ABCB1: variants seen among roughly 807,000 people sequenced by gnomAD.
ABCB1 encodes ATP-dependent translocase ABCB1.
ABCB1 carries 69 observed loss-of-function variants against 142.0 expected under a neutral mutation model. The ratio of observed to expected loss-of-function variants is 0.49; its 90% CI spans 0.40 to 0.59. ABCB1 has a LOEUF of 0.59. ABCB1 is among the 20% of genes least tolerant of loss of function. The pLI is 0.00. For synonymous variants in ABCB1, 532 were observed against 539.2 expected, an observed-to-expected ratio of 0.99 and a Z score of 0.18; for missense variants, 1,326 against 1,554.7, an observed-to-expected ratio of 0.85 and a Z score of 2.47.
At chr7:87,642,997 C>T (rs549923050) in intron 1 of ABCB1, among the ~76,000 whole-genome samples, 1 of 151,994 alleles carries the variant, frequency 6.6e-6, no homozygotes, top group African/African-American at 2.4e-5. Flanking sequence ...CCCACTGTAA[C>T]CTTGAATTCC....
rs146431427 is a variant in ABCB1, at chr7:87,660,010, G to A, written c.-331+53151C>T. ...TCTACTTTGCCAGATTTAGGATTTC[G>A]GTTTGATAACATTTTAGAGGTTTAG... is the stretch of plus-strand genomic sequence containing the variant. On this transcript the variant is annotated intron_variant, in intron 1 of 28. Transcript: ENST00000265724. Among the ~76,000 whole-genome samples, 563 of 152,100 alleles carry A rather than the reference G, an allele frequency of 3.7e-3. 1 individual carries two copies. Among genetic ancestry groups the A allele is most frequent in the Non-Finnish European group, 5.6e-3 (378 of 67,960 alleles).
At chr7:87,693,070 A>G (rs17250255) in intron 1 of ABCB1, among the ~76,000 whole-genome samples, 4,789 of 152,212 alleles carry the variant, frequency 0.031, 73 homozygotes, top group Middle Eastern at 0.048. Flanking sequence ...ACCATGTACT[A>G]TTGGAGATTT....
intron 1 of ABCB1, among the ~76,000 whole-genome samples, chr7:87,688,223 A>T (rs561557119): frequency 1.4e-3 from 214 of 152,254 alleles, no homozygotes; most frequent in Admixed American, 2.4e-3. Context: ...ATCCGGGGTT[A>T]TGTATACCTT....
intron 4 of ABCB1, among the ~76,000 whole-genome samples, chr7:87,576,411 G>A: frequency 7.0e-6 from 1 of 142,506 alleles, no homozygotes; most frequent in Non-Finnish European, 1.6e-5. Context: ...CTATATATAA[G>A]TGTGTGTGTA....
intron 8 of ABCB1, among the ~76,000 whole-genome samples, chr7:87,556,114 CA>C (rs1347039522): frequency 6.6e-6 from 1 of 152,116 alleles, no homozygotes; most frequent in Admixed American, 6.5e-5. Context: ...ATCCATTCAT[CA>C]AAGGCTTTAG....
chr7:87,505,301 T>C (rs1470502490), intron 27 of ABCB1, among the ~76,000 whole-genome samples: 1 of 152,130 alleles, frequency 6.6e-6, no homozygotes. Flanking sequence ...GTTAAGGCAG[T>C]AAATACAGTT....
At chr7:87,589,001 T>C (rs1818875491) in intron 3 of ABCB1, among the ~76,000 whole-genome samples, 1 of 152,210 alleles carries the variant, frequency 6.6e-6, no homozygotes, top group Non-Finnish European at 1.5e-5. Flanking sequence ...TGTTTGTTTT[T>C]TCTTTGTAAA....
chr7:87,671,115 G>A (rs545260786), intron 1 of ABCB1, among the ~76,000 whole-genome samples: 1 of 152,310 alleles, frequency 6.6e-6, no homozygotes, highest in Non-Finnish European at 1.5e-5. Flanking sequence ...ATCAGACCAG[G>A]ATGGAGGGTC....
upstream of ABCB1, among the ~76,000 whole-genome samples, chr7:87,605,058 A>G (rs1819597960): frequency 6.6e-6 from 1 of 152,212 alleles, no homozygotes; most frequent in Non-Finnish European, 1.5e-5. Context: ...ATTTATGGAA[A>G]TTACACTAGT....
At chr7:87,667,387 C>G (rs1299716432) in intron 1 of ABCB1, among the ~76,000 whole-genome samples, 1 of 151,330 alleles carries the variant, frequency 6.6e-6, no homozygotes, top group South Asian at 2.1e-4. Context: ...AACTTTTGGG[C>G]CAAGACTATG....
At chr7:87,615,847 T>C (rs892754035) in intron 1 of ABCB1, among the ~76,000 whole-genome samples, 2 of 152,164 alleles carry the variant, frequency 1.3e-5, no homozygotes, top group African/African-American at 4.8e-5. Context: ...TGATTTCCTA[T>C]TGGAAAAAAA....
intron 24 of ABCB1, among the ~76,000 whole-genome samples, chr7:87,515,997 C>T (rs1189488806): frequency 6.6e-6 from 1 of 152,192 alleles, no homozygotes; most frequent in Non-Finnish European, 1.5e-5. Flanking sequence ...TACAATAACT[C>T]AAATCTGTTC....
At chr7:87,506,202 C>T in intron 26 of ABCB1, 159 bp from the exon 27 acceptor site, 1 of 694,698 alleles carries the variant, frequency 1.4e-6, no homozygotes, top group East Asian at 2.7e-5. Flanking sequence ...AGTAAAAAAG[C>T]CCAAAATGGC....
intron 25 of ABCB1, among the ~76,000 whole-genome samples, chr7:87,512,784 G>A (rs893885866): frequency 5.3e-5 from 8 of 152,188 alleles, no homozygotes; most frequent in African/African-American, 1.9e-4. Flanking sequence ...GTATTTCCAA[G>A]CCCTAGTGCA....
At chr7:87,558,029 C>A (rs1313004223) in intron 8 of ABCB1, among the ~76,000 whole-genome samples, 1 of 152,100 alleles carries the variant, frequency 6.6e-6, no homozygotes, top group Non-Finnish European at 1.5e-5. Context: ...GTCTTGGCAC[C>A]AACCAGGTGA....
At chr7:87,638,558 T>G (rs1822077539) in intron 1 of ABCB1, among the ~76,000 whole-genome samples, 1 of 152,138 alleles carries the variant, frequency 6.6e-6, no homozygotes, top group Admixed American at 6.5e-5. Context: ...TGTCTTCTGG[T>G]ATGAGTTTCA....
At chr7:87,522,229 G>A (rs1169605417) in intron 21 of ABCB1, 9 of 1,168,482 alleles carry the variant, frequency 7.7e-6, no homozygotes, top group Non-Finnish European at 1.0e-5. Context: ...TTTTGGAGGT[G>A]GTGTAATGAT....
chr7:87,703,541 G>A (rs913468756), intron 1 of ABCB1, among the ~76,000 whole-genome samples: 3 of 152,074 alleles, frequency 2.0e-5, no homozygotes, highest in Non-Finnish European at 2.9e-5. Context: ...CAACCAAGGG[G>A]TTGTAGCAAC....
At chr7:87,696,304 G>T (rs1489609935) in intron 1 of ABCB1, among the ~76,000 whole-genome samples, 1 of 152,050 alleles carries the variant, frequency 6.6e-6, no homozygotes, top group Non-Finnish European at 1.5e-5. Flanking sequence ...TTGAGGAGTG[G>T]TTATTTATTA....
Sources: allele counts gnomAD v4.1 joint callset (sites outside exome capture counted in the v4.1 genomes callset), GRCh38; gene constraint gnomAD v4.1.1; transcripts MANE v1.5; gene names NCBI Gene and HGNC (gene_info 2026-07-23, HGNC 2026-07-21).